CSMD3: variants seen among roughly 807,000 people sequenced by gnomAD.
The protein encoded by CSMD3 is CUB and sushi domain-containing protein 3.
Under a neutral mutation model 435.2 loss-of-function variants are expected in CSMD3, and 177 were observed. That is an observed-to-expected ratio of 0.41 (90% CI 0.36 to 0.46). The LOEUF (loss-of-function observed/expected upper bound fraction) is 0.46. CSMD3 is among the 20% of genes least tolerant of loss of function. The probability of loss-of-function intolerance (pLI) is 0.34; values close to 1 mark genes in which losing one functional copy is unlikely to be tolerated. For synonymous variants in CSMD3, 1,656 were observed against 1,520.5 expected (o/e 1.09, Z -2.07); for missense variants, 4,265 against 4,504.6 (o/e 0.95, Z 1.52).
At chr8:112,253,784 C>T (rs1266157184) in intron 63 of CSMD3, among the ~76,000 whole-genome samples, 2 of 151,964 alleles carry the variant, frequency 1.3e-5, no homozygotes, top group African/African-American at 4.8e-5. Flanking sequence ...AGCAATTTCC[C>T]ACCATTTTAA....
chr8:112,603,822 G>C (rs1832573652), intron 22 of CSMD3, among the ~76,000 whole-genome samples: 1 of 151,992 alleles, frequency 6.6e-6, no homozygotes, highest in Non-Finnish European at 1.5e-5. Flanking sequence ...AACCTAAATA[G>C]TTCAAACTTG....
intron 2 of CSMD3, among the ~76,000 whole-genome samples, chr8:113,285,506 G>T (rs1365717562): frequency 6.6e-6 from 1 of 152,062 alleles, no homozygotes; most frequent in Admixed American, 6.6e-5. Context: ...TGATCCGCCT[G>T]CCTCGGCCTC....
chr8:112,965,429 T>G (rs961219156), intron 7 of CSMD3, among the ~76,000 whole-genome samples: 1 of 151,868 alleles, frequency 6.6e-6, no homozygotes, highest in Non-Finnish European at 1.5e-5. Flanking sequence ...TAACAAGATA[T>G]CTGATTAACG....
intron 11 of CSMD3, among the ~76,000 whole-genome samples, chr8:112,847,258 T>C (rs955997488): frequency 2.6e-5 from 4 of 152,048 alleles, no homozygotes; most frequent in African/African-American, 4.8e-5. Context: ...CACTATGCAT[T>C]TGTCTCTAAA....
intron 1 of CSMD3, among the ~76,000 whole-genome samples, chr8:113,411,195 G>T (rs2094558501): frequency 6.6e-6 from 1 of 151,938 alleles, no homozygotes. Flanking sequence ...TATTATGTGA[G>T]CTTATGAGAT....
At chr8:112,504,227 G>C (rs1822282100) in intron 29 of CSMD3, among the ~76,000 whole-genome samples, 1 of 152,026 alleles carries the variant, frequency 6.6e-6, no homozygotes, top group Non-Finnish European at 1.5e-5. Context: ...TGTATGCAGA[G>C]GAAATATAAG....
intron 1 of CSMD3, among the ~76,000 whole-genome samples, chr8:113,378,678 T>C (rs1049837161): frequency 2.6e-5 from 4 of 152,102 alleles, no homozygotes; most frequent in Non-Finnish European, 2.9e-5. Flanking sequence ...TTTAATGCAG[T>C]GGATTTCAGC....
At chr8:112,763,126 A>G (rs1223448416) in intron 13 of CSMD3, among the ~76,000 whole-genome samples, 1 of 151,800 alleles carries the variant, frequency 6.6e-6, no homozygotes, top group East Asian at 1.9e-4. Flanking sequence ...CACAATGTAC[A>G]TATATTTCAA....
chr8:112,511,477 T>G (rs1454387004), intron 28 of CSMD3, among the ~76,000 whole-genome samples: 1 of 150,166 alleles, frequency 6.7e-6, no homozygotes, highest in African/African-American at 2.5e-5. Flanking sequence ...GCAAGCTCCG[T>G]CTCCCGGGTT....
intron 6 of CSMD3, among the ~76,000 whole-genome samples, chr8:112,997,998 A>T (rs896153189): frequency 2.0e-5 from 3 of 151,152 alleles, no homozygotes; most frequent in Admixed American, 1.3e-4. Flanking sequence ...TTTCTCATCT[A>T]CTGCCTTACT....
chr8:112,605,027 A>C (rs547186914), intron 22 of CSMD3, among the ~76,000 whole-genome samples: 7 of 152,352 alleles, frequency 4.6e-5, no homozygotes, highest in African/African-American at 1.7e-4. Flanking sequence ...AGCATATAAA[A>C]AATGTTCAAC....
Position 112,666,564 on chromosome 8 carries a change from ATTACTTC to A in CSMD3, c.2678-156_2678-150del, listed in dbSNP as rs2075531397. 4 of 690,496 alleles carry A rather than the reference ATTACTTC, an allele frequency of 5.8e-6. No individual in the cohort carries two copies. The African/African-American group carries it at 7.3e-5, about 13-fold the overall frequency. The allele number at this position is 690,496 out of a possible 1,614,324, so 42.8% of individuals were successfully genotyped here. A position where few individuals can be genotyped will look rare whatever the true frequency, so the allele number is the denominator to read the frequency against. ...TTGAAAGCAATGGTACATCTAGTCA[ATTACTTC>A]TGTTAAATGATTATTTTTCTAAAAA... On this transcript the variant is annotated intron_variant, in intron 16 of 70. Coordinates refer to ENST00000297405, the MANE Select transcript of CSMD3 (RefSeq NM_198123.2).
chr8:112,452,920 A>T (rs1190204202), intron 32 of CSMD3, among the ~76,000 whole-genome samples: 1 of 152,206 alleles, frequency 6.6e-6, no homozygotes, highest in Non-Finnish European at 1.5e-5. Flanking sequence ...AACTACAGTT[A>T]AGAGAAAAGC....
In CSMD3 at chr8:112,536,954, G is replaced by T. The variant is rs534756979; in HGVS notation, c.4564+13717C>A. On this transcript the variant is annotated intron_variant, in intron 27 of 70. Coordinates refer to ENST00000297405, the MANE Select transcript of CSMD3 (RefSeq NM_198123.2). ...AAACACCGCATATTCTCACTCGTAG[G>T]TGGGAATTGAACAATGAGAACACTT... Among the ~76,000 whole-genome samples the T allele has an allele frequency of 2.5e-3, 382 of 152,040 alleles. 3 individuals are homozygous for T. Among genetic ancestry groups the T allele is most frequent in the African/African-American group, 8.9e-3 (369 of 41,430 alleles).
chr8:112,763,988 A>G (rs1345826416), intron 13 of CSMD3, among the ~76,000 whole-genome samples: 1 of 151,476 alleles, frequency 6.6e-6, no homozygotes, highest in Non-Finnish European at 1.5e-5. Context: ...ATTTCCCTAA[A>G]GTTTTAAACT....
intron 2 of CSMD3, among the ~76,000 whole-genome samples, chr8:113,285,289 T>A (rs1467681134): frequency 2.1e-5 from 3 of 142,536 alleles, no homozygotes; most frequent in African/African-American, 7.9e-5. Flanking sequence ...TGACAGAGTC[T>A]AGCTCTGTTG....
chr8:112,272,102 A>G (rs554958396), intron 59 of CSMD3, among the ~76,000 whole-genome samples: 1 of 152,326 alleles, frequency 6.6e-6, no homozygotes, highest in Non-Finnish European at 1.5e-5. Context: ...AGCAACAAGT[A>G]GCCCTCACCA....
intron 7 of CSMD3, among the ~76,000 whole-genome samples, chr8:112,961,889 T>C (rs911222591): frequency 2.0e-5 from 3 of 151,934 alleles, no homozygotes; most frequent in African/African-American, 4.8e-5. Context: ...CTTACAGTTA[T>C]GGTATGCTGT....
Position 113,436,777 on chromosome 8 carries a change from T to A in CSMD3, c.78A>T (p.Lys26Asn), listed in dbSNP as rs2130155335. 6.2e-7 allele frequency: 1 copy of A among 1,614,172 alleles called. No individual in the cohort carries two copies. Among genetic ancestry groups the A allele is most frequent in the Non-Finnish European group, 8.5e-7 (1 of 1,180,034 alleles). Residue 26 changes from lysine (K) to asparagine (N), a missense_variant, in exon 1 of 71, where the codon AAA becomes AAT. By Grantham distance (94) the Lys-to-Asn change is moderately conservative. Transcript: ENST00000297405. ...PWEPGKRRCA[K>N]CGRLDFILMK... ...TCAGGATGAAGTCTAGGCGGCCACA[T>A]TTAGCGCATCTTCGCTTGCCAGGCT...
Sources: gnomAD v4.1 joint callset for allele counts (sites outside exome capture counted in the v4.1 genomes callset) on GRCh38, gnomAD v4.1.1 for gene constraint, MANE v1.5 for transcripts, NCBI Gene and HGNC (gene_info 2026-07-23, HGNC 2026-07-21) for gene names.